SLC35D4: variants seen among roughly 807,000 people sequenced by gnomAD.
SLC35D4 encodes the protein solute carrier family 35 member D4.
chr18:23,344,387 G>A, the SLC35D4 span, among the ~76,000 whole-genome samples: 7 of 152,246 alleles, frequency 4.6e-5, no homozygotes, highest in Admixed American at 3.3e-4. Context: ...TGGGATTGCT[G>A]GTTTGAATGG....
the SLC35D4 span, among the ~76,000 whole-genome samples, chr18:23,343,308 G>C: frequency 6.6e-6 from 1 of 151,554 alleles, no homozygotes. Flanking sequence ...GCCCAGGCTA[G>C]AGTGCAATGG....
chr18:23,316,125 C>T, the SLC35D4 span, among the ~76,000 whole-genome samples: 4 of 152,188 alleles, frequency 2.6e-5, no homozygotes, highest in African/African-American at 9.7e-5. Flanking sequence ...CTTCTATACC[C>T]TCCAACTCCA....
the SLC35D4 span, among the ~76,000 whole-genome samples, chr18:23,310,992 T>C: frequency 6.6e-6 from 1 of 152,254 alleles, no homozygotes; most frequent in Non-Finnish European, 1.5e-5. Context: ...ATACAAAGGA[T>C]AGGGAAAGAG....
At chr18:23,240,852 A>G in the SLC35D4 span, among the ~76,000 whole-genome samples, 1 of 152,100 alleles carries the variant, frequency 6.6e-6, no homozygotes, top group Non-Finnish European at 1.5e-5. Context: ...TGAATGAAGC[A>G]GCTCTCAAAG....
chr18:23,338,989 C>T, the SLC35D4 span, among the ~76,000 whole-genome samples: 1 of 152,084 alleles, frequency 6.6e-6, no homozygotes, highest in South Asian at 2.1e-4. Context: ...TCAAGCAATC[C>T]CAATCCTCCT....
the SLC35D4 span, among the ~76,000 whole-genome samples, chr18:23,316,063 A>G: frequency 1.3e-5 from 2 of 152,218 alleles, no homozygotes; most frequent in Non-Finnish European, 2.9e-5. Context: ...CAGCATCTGC[A>G]CTGGCACAAA....
the SLC35D4 span, among the ~76,000 whole-genome samples, chr18:23,278,084 C>G: frequency 2.0e-5 from 3 of 152,150 alleles, no homozygotes; most frequent in African/African-American, 7.2e-5. Flanking sequence ...ATGGCATGGG[C>G]ACAGGGAAGG....
chr18:23,310,936 G>A, the SLC35D4 span, among the ~76,000 whole-genome samples: 1 of 152,110 alleles, frequency 6.6e-6, no homozygotes, highest in Admixed American at 6.5e-5. Flanking sequence ...ATTGTCCTCA[G>A]GGGCAATAAA....
At chr18:23,380,577 A>G in the SLC35D4 span, among the ~76,000 whole-genome samples, 5 of 151,900 alleles carry the variant, frequency 3.3e-5, no homozygotes, top group Non-Finnish European at 5.9e-5. Context: ...CCTCCATCCA[A>G]CTCTGCGTTA....
At chr18:23,367,670 T>C in the SLC35D4 span, among the ~76,000 whole-genome samples, 3 of 152,244 alleles carry the variant, frequency 2.0e-5, no homozygotes, top group South Asian at 4.1e-4. Context: ...TGGCAGGTAC[T>C]CAATACGTTT....
At chr18:23,408,996 ATGG>A in the SLC35D4 span, among the ~76,000 whole-genome samples, 1,183 of 151,780 alleles carry the variant, frequency 7.8e-3, 19 homozygotes, top group African/African-American at 0.028. Flanking sequence ...TTAGCCGGGC[ATGG>A]TGGTGGGCAC....
At chr18:23,392,595 C>G in the SLC35D4 span, among the ~76,000 whole-genome samples, 1 of 152,280 alleles carries the variant, frequency 6.6e-6, no homozygotes, top group South Asian at 2.1e-4. Flanking sequence ...AAAATACATA[C>G]CTTGCCGGAG....
At chr18:23,239,154 G>A in the SLC35D4 span, among the ~76,000 whole-genome samples, 81 of 152,342 alleles carry the variant, frequency 5.3e-4, no homozygotes, top group African/African-American at 1.9e-3. Flanking sequence ...ATGTGCGTGT[G>A]CACGTATACA....
chr18:23,382,673 T>C, the SLC35D4 span, among the ~76,000 whole-genome samples: 2 of 152,202 alleles, frequency 1.3e-5, no homozygotes, highest in African/African-American at 4.8e-5. Context: ...TGACGGACTA[T>C]GGAAACTGCA....
chr18:23,276,880 G>T, the SLC35D4 span, among the ~76,000 whole-genome samples: 3 of 152,216 alleles, frequency 2.0e-5, no homozygotes, highest in Admixed American at 2.0e-4. Flanking sequence ...CATGCACTCT[G>T]CAGGACTCAT....
the SLC35D4 span, among the ~76,000 whole-genome samples, chr18:23,421,188 G>A: frequency 6.6e-6 from 1 of 152,086 alleles, no homozygotes; most frequent in Non-Finnish European, 1.5e-5. Flanking sequence ...AGGTTGCAGC[G>A]AGCCAAGATC....
chr18:23,377,545 T>C, the SLC35D4 span: 2 of 1,106,210 alleles, frequency 1.8e-6, no homozygotes, highest in Non-Finnish European at 1.3e-6. Context: ...TAAATTCTTC[T>C]GCCACCTCTT....
the SLC35D4 span, among the ~76,000 whole-genome samples, chr18:23,260,867 G>C: frequency 6.6e-6 from 1 of 152,110 alleles, no homozygotes; most frequent in Non-Finnish European, 1.5e-5. Flanking sequence ...GCAGCTTCCA[G>C]TCATGCAGCT....
chr18:23,360,463 C>T, the SLC35D4 span, among the ~76,000 whole-genome samples: 2 of 152,180 alleles, frequency 1.3e-5, no homozygotes, highest in Non-Finnish European at 2.9e-5. Context: ...GGAACAAACT[C>T]ATGATATACG....
Sources: allele counts gnomAD v4.1 joint callset (sites outside exome capture counted in the v4.1 genomes callset), GRCh38; gene constraint gnomAD v4.1.1; transcripts MANE v1.5; gene names NCBI Gene and HGNC (gene_info 2026-07-23, HGNC 2026-07-21).